Variants in POLR2L observed in about 807,000 individuals in gnomAD.
The protein encoded by POLR2L is DNA-directed RNA polymerases I, II, and III subunit RPABC5.
In POLR2L, 7 loss-of-function variants were observed where a neutral mutation model predicts 6.8. The observed-to-expected ratio is 1.03, with a 90% CI of 0.59 to 1.94. The LOEUF (loss-of-function observed/expected upper bound fraction) is 1.94, where lower values mean the gene tolerates loss of function less well. Among genes scored for constraint, POLR2L ranks in the 30% most tolerant of loss-of-function variants. POLR2L has a pLI of 0.00. For missense variants in POLR2L, 93 were observed against 86.7 expected, an observed-to-expected ratio of 1.07 and a Z score of -0.29; for synonymous variants, 59 against 39.8, an observed-to-expected ratio of 1.48 and a Z score of -1.82.
In POLR2L at chr11:840,390, A is replaced by G. The variant is rs372749834; in HGVS notation, c.186T>C (p.Tyr62=). 15 of 1,609,354 alleles carry G rather than the reference A, an allele frequency of 9.3e-6. No homozygotes were observed. Among genetic ancestry groups the G allele is most frequent in the Non-Finnish European group, 1.2e-5 (14 of 1,177,450 alleles). The change falls in exon 2 of 2, where the codon TAT becomes TAC. Residue 62 remains tyrosine, a synonymous_variant. Coordinates refer to ENST00000322028, the MANE Select transcript of POLR2L (RefSeq NM_021128.5). ...AGCGTGGTCACTTCTCCAGGGGTGC[A>G]TAATTGAGCAGCTTCTCGATCAGGT... ...HVDLIEKLLN[Y]APLEK
chr11:840,540 G>A (rs1846936622), intron 1 of POLR2L, 60 bp from the exon 2 acceptor site: 1 of 1,224,848 alleles, frequency 8.2e-7, no homozygotes, highest in Non-Finnish European at 1.2e-6. Flanking sequence ...AAGGCCTGGA[G>A]CCCACATCCA....
intron 1 of POLR2L, among the ~76,000 whole-genome samples, chr11:840,987 C>T (rs1014089649): frequency 6.6e-6 from 1 of 152,196 alleles, no homozygotes; most frequent in Non-Finnish European, 1.5e-5. Context: ...ACGGAGCCAC[C>T]TCTCCCACTT....
Position 842,500 on chromosome 11 carries a change from G to A in POLR2L, c.9C>T (p.Ile3=), listed in dbSNP as rs761077658. The change falls in exon 1 of 2, where the codon ATC becomes ATT. Residue 3 remains isoleucine (I), a synonymous_variant. Transcript: ENST00000322028. MI[I]PVRCFTCGKI... Reference sequence around the variant, plus strand: ...TGCCACAAGTGAAGCAGCGTACAGGGATGATCATGGCGGCGGCGCGTCCCA... The same window carrying A: ...TGCCACAAGTGAAGCAGCGTACAGGAATGATCATGGCGGCGGCGCGTCCCA... 5.6e-5 allele frequency: 88 copies of A among 1,580,396 alleles called. No homozygotes were observed. Among genetic ancestry groups the A allele is most frequent in the Admixed American group, 2.0e-4 (11 of 55,880 alleles).
At chr11:842,348 C>G in intron 1 of POLR2L, 66 bp downstream of exon 1, 1 of 1,248,818 alleles carries the variant, frequency 8.0e-7, no homozygotes, top group Non-Finnish European at 1.1e-6. Context: ...CCAGGGCGGA[C>G]TCAGCCCCCA....
rs986122609 is a variant in POLR2L, at chr11:840,070, C to T, written c.*302G>A. The T allele has an allele frequency of 1.0e-5, 3 of 291,334 alleles. No homozygotes were observed. The highest frequency in any genetic ancestry group is 1.9e-5 in the Non-Finnish European group (3 of 155,994). The allele number at this position is 291,334 out of a possible 1,614,324, so 18.0% of individuals were successfully genotyped here. A position where few individuals can be genotyped will look rare whatever the true frequency, so the allele number is the denominator to read the frequency against. On this transcript the variant is annotated 3_prime_UTR_variant, in exon 2 of 2. Coordinates refer to ENST00000322028, the MANE Select transcript of POLR2L (RefSeq NM_021128.5). ...AAGGCTCTCCTGGCAGCGCCTCCTGCAGGGGTGCCTGTGGAACAGGCTGGC... is the reference window on the plus strand; with the variant it reads ...AAGGCTCTCCTGGCAGCGCCTCCTGTAGGGGTGCCTGTGGAACAGGCTGGC...
chr11:842,285 C>T, intron 1 of POLR2L, 129 bp downstream of exon 1: 1 of 537,128 alleles, frequency 1.9e-6, no homozygotes, highest in African/African-American at 2.0e-5. Flanking sequence ...CCTGAAGCTG[C>T]TCATGGGGCG....
intron 1 of POLR2L, among the ~76,000 whole-genome samples, chr11:840,886 A>G (rs976503412): frequency 6.6e-6 from 1 of 151,928 alleles, no homozygotes; most frequent in Non-Finnish European, 1.5e-5. Flanking sequence ...TAGCTGGTTC[A>G]CCCCCACCCC....
At chr11:840,971 T>G (rs1307715298) in intron 1 of POLR2L, among the ~76,000 whole-genome samples, 1 of 152,064 alleles carries the variant, frequency 6.6e-6, no homozygotes, top group Non-Finnish European at 1.5e-5. Flanking sequence ...GAGAGACTGC[T>G]TCTCCACGGA....
At chr11:842,256 CGG>C (rs1183123955) in intron 1 of POLR2L, among the ~76,000 whole-genome samples, 156 bp downstream of exon 1, 3 of 152,240 alleles carry the variant, frequency 2.0e-5, no homozygotes, top group African/African-American at 7.2e-5. Context: ...GATCACAGAG[CGG>C]GGCTGGAGAA....
intron 1 of POLR2L, 142 bp downstream of exon 1, chr11:842,272 G>A (rs931322908): frequency 6.1e-6 from 3 of 491,218 alleles, no homozygotes; most frequent in African/African-American, 2.1e-5. Context: ...TGGAGAAGCC[G>A]GGCCTGAAGC....
intron 1 of POLR2L, 47 bp downstream of exon 1, chr11:842,367 C>CCGCG: frequency 1.4e-6 from 2 of 1,445,056 alleles, no homozygotes; most frequent in East Asian, 5.6e-5. Flanking sequence ...CAGCCCCGGC[C>CCGCG]CGCGCCCCAC....
rs550785059 is a variant in POLR2L, at chr11:839,925, T to C, written c.*447A>G. 1 of 155,100 alleles carries C rather than the reference T, an allele frequency of 6.4e-6. No individual in the cohort carries two copies. The highest frequency in any genetic ancestry group is 1.4e-5 in the Non-Finnish European group (1 of 69,930). The allele number at this position is 155,100 out of a possible 1,614,324, so 9.6% of individuals were successfully genotyped here. ...TCCCAAAGTCCTGGGATTATAGGGG[T>C]GAGCCCCTTTGCCCGGCCTAAATCT... On this transcript the variant is annotated 3_prime_UTR_variant, in exon 2 of 2. Coordinates refer to ENST00000322028, the MANE Select transcript of POLR2L (RefSeq NM_021128.5).
In POLR2L at chr11:840,459, G is replaced by T; in HGVS notation, c.117C>A (p.Gly39=). 6.2e-7 allele frequency: 1 copy of T among 1,611,190 alleles called. No individual in the cohort carries two copies. The highest frequency in any genetic ancestry group is 1.3e-5 in the African/African-American group (1 of 75,026). Residue 39 remains glycine (G), a synonymous_variant, in exon 2 of 2, where the codon GGC becomes GGA. Coordinates refer to ENST00000322028, the MANE Select transcript of POLR2L (RefSeq NM_021128.5). ...TCCGGCGGCAGCAGTAGCGCTTCAG[G>T]CCCAGGGCATCCAGCGCATCCCTGT... The part of the protein sequence containing the change: ...YTEGDALDAL[G]LKRYCCRRML...
In POLR2L at chr11:840,086, A is replaced by C; in HGVS notation, c.*286T>G. On this transcript the variant is annotated 3_prime_UTR_variant, in exon 2 of 2. Transcript: ENST00000322028. ...CGCCTCCTGCAGGGGTGCCTGTGGA[A>C]CAGGCTGGCCCCAGGGCTAGGAGAG... 3 of 314,764 alleles carry C rather than the reference A, an allele frequency of 9.5e-6. No individual in the cohort carries two copies. The highest frequency in any genetic ancestry group is 5.5e-5 in the East Asian group (1 of 18,046). The allele number at this position is 314,764 out of a possible 1,614,324, so 19.5% of individuals were successfully genotyped here.
At chr11:841,457 G>GGC (rs1846964335) in intron 1 of POLR2L, among the ~76,000 whole-genome samples, 1 of 152,104 alleles carries the variant, frequency 6.6e-6, no homozygotes, top group African/African-American at 2.4e-5. Flanking sequence ...TGCGTGAGAC[G>GGC]GAGTTTCACT....
At chr11:840,923 T>C (rs1846948436) in intron 1 of POLR2L, among the ~76,000 whole-genome samples, 1 of 152,132 alleles carries the variant, frequency 6.6e-6, no homozygotes, top group African/African-American at 2.4e-5. Flanking sequence ...GCTCTGCCGC[T>C]GTGGGGTCTT....
At chr11:840,696 G>A (rs936365827) in intron 1 of POLR2L, among the ~76,000 whole-genome samples, 12 of 152,226 alleles carry the variant, frequency 7.9e-5, no homozygotes, top group African/African-American at 2.9e-4. Flanking sequence ...AGCGTGAGGA[G>A]CCTCCTCTCC....
chr11:842,440 C>A lies in POLR2L; in HGVS notation c.69G>T (p.Gly23=). The stretch of plus-strand genomic sequence containing the variant: ...CCTCGGTGTACTCGGCCTGCAGCAG[C>A]CCCAGGTAAGCCTCCCACTTGTTGC... The part of the protein sequence containing the change: ...IVGNKWEAYL[G]LLQAEYTEGD... Residue 23 remains glycine, a synonymous_variant, in exon 1 of 2, where the codon GGG becomes GGT. Coordinates refer to ENST00000322028, the MANE Select transcript of POLR2L (RefSeq NM_021128.5). 1 of 1,595,280 alleles carries A rather than the reference C, an allele frequency of 6.3e-7. No homozygotes were observed. The highest frequency in any genetic ancestry group is 1.1e-5 in the South Asian group (1 of 88,920).
chr11:840,937 T>A (rs1846948890), intron 1 of POLR2L, among the ~76,000 whole-genome samples: 1 of 152,112 alleles, frequency 6.6e-6, no homozygotes, highest in Non-Finnish European at 1.5e-5. Flanking sequence ...GGGTCTTTCC[T>A]CACCTCTGCT....
Sources: gnomAD v4.1 joint callset for allele counts (sites outside exome capture counted in the v4.1 genomes callset) on GRCh38, gnomAD v4.1.1 for gene constraint, MANE v1.5 for transcripts, NCBI Gene and HGNC (gene_info 2026-07-23, HGNC 2026-07-21) for gene names.